The following PSMB7 variants were observed in gnomAD, a reference collection of about 807,000 sequenced individuals.
The protein encoded by PSMB7 is proteasome subunit beta type-7.
Under a neutral mutation model 28.1 loss-of-function variants are expected in PSMB7, and 5 were observed. The observed-to-expected ratio is 0.18, with a 90% CI of 0.09 to 0.37. The LOEUF (loss-of-function observed/expected upper bound fraction) is 0.37, where lower values mean the gene tolerates loss of function less well. PSMB7 is among the 10% of genes least tolerant of loss of function. PSMB7 has a pLI of 1.00. For synonymous variants in PSMB7, 122 were observed against 123.7 expected, an observed-to-expected ratio of 0.99 and a Z score of 0.09; for missense variants, 275 against 346.2, an observed-to-expected ratio of 0.79 and a Z score of 1.63.
Position 124,356,841 on chromosome 9 carries a change from G to T in PSMB7, c.645C>A (p.Asn215Lys). ...TCTTGCTGATGACGCAGAGGTCAAT[G>T]TTGCTTCCGGAGCCCAGGTCGTTGA... ...GIFNDLGSGS[N>K]IDLCVISKNK... Residue 215 changes from asparagine (N) to lysine (K), a missense_variant, in exon 7 of 8, where the codon AAC (asparagine) becomes AAA (lysine). Asn to Lys is a moderately conservative substitution (Grantham distance 94). Transcript: ENST00000259457. The surrounding 1 kb of genome is among the most constrained non-coding windows in gnomAD (Gnocchi z 4.4). The T allele has an allele frequency of 6.2e-7, 1 of 1,614,204 alleles. No homozygotes were observed. Among genetic ancestry groups the T allele is most frequent in the Non-Finnish European group, 8.5e-7 (1 of 1,180,034 alleles).
At chr9:124,398,444 C>A in intron 5 of PSMB7, 1 of 342,596 alleles carries the variant, frequency 2.9e-6, no homozygotes, top group Non-Finnish European at 6.0e-6. Context: ...ATCTTACATT[C>A]TCTGTAAAGA....
chr9:124,380,910 T>C lies in PSMB7; in HGVS notation c.570+3688A>G, dbSNP rs963518096. 2.9e-4 allele frequency among the ~76,000 whole-genome samples: 44 copies of C among 152,386 alleles called. 2 individuals carry two copies. Among genetic ancestry groups the C allele is most frequent in the Non-Finnish European group, 8.8e-5 (6 of 68,032 alleles). On this transcript the variant is annotated intron_variant, in intron 6 of 7. Transcript: ENST00000259457. ...TCAAAACGCAGTGATAGGCTGGCCC[T>C]GCCCAATAGATGTTCTGGTAGTTAT... is the stretch of plus-strand genomic sequence containing the variant.
intron 6 of PSMB7, among the ~76,000 whole-genome samples, chr9:124,364,469 A>C (rs1481496140): frequency 6.6e-6 from 1 of 151,808 alleles, no homozygotes; most frequent in African/African-American, 2.4e-5. Flanking sequence ...TGTTCACAGC[A>C]TATGTGTATA....
intron 5 of PSMB7, among the ~76,000 whole-genome samples, chr9:124,391,992 A>C (rs1223258517): frequency 6.6e-6 from 1 of 152,254 alleles, no homozygotes; most frequent in Non-Finnish European, 1.5e-5. Flanking sequence ...GAAAGGTAGA[A>C]ATTTGCTTTT....
chr9:124,362,372 C>G (rs930030644), intron 6 of PSMB7, among the ~76,000 whole-genome samples: 3 of 152,236 alleles, frequency 2.0e-5, no homozygotes, highest in Non-Finnish European at 4.4e-5. Context: ...TGTCCCTTGC[C>G]TTCTGCGCCA....
chr9:124,374,870 G>A (rs188159249), intron 6 of PSMB7, among the ~76,000 whole-genome samples: 153 of 152,152 alleles, frequency 1.0e-3, no homozygotes, highest in African/African-American at 3.4e-3. Context: ...GGCCAGGCAC[G>A]GTGGCTCATG....
At chr9:124,414,236 A>C (rs568353903) in intron 2 of PSMB7, among the ~76,000 whole-genome samples, 3 of 152,340 alleles carry the variant, frequency 2.0e-5, no homozygotes, top group Admixed American at 1.3e-4. Flanking sequence ...CCCATTTTCA[A>C]GTGAGGCTCA....
chr9:124,369,169 T>C (rs889039202), intron 6 of PSMB7, among the ~76,000 whole-genome samples: 1 of 152,178 alleles, frequency 6.6e-6, no homozygotes, highest in Admixed American at 6.5e-5. Context: ...TTTTTAAAAA[T>C]CTGTACCACT....
At chr9:124,379,748 G>T (rs1830646580) in intron 6 of PSMB7, among the ~76,000 whole-genome samples, 1 of 152,156 alleles carries the variant, frequency 6.6e-6, no homozygotes, top group Admixed American at 6.5e-5. Flanking sequence ...TGTTTGGTTT[G>T]CTGACTCTGT....
At chr9:124,381,778 A>G (rs1830667203) in intron 6 of PSMB7, among the ~76,000 whole-genome samples, 1 of 152,236 alleles carries the variant, frequency 6.6e-6, no homozygotes, top group Non-Finnish European at 1.5e-5. Context: ...TTCATTTAAT[A>G]TTCACCAAAA....
chr9:124,354,063 A>G (rs1830369138), intron 7 of PSMB7, among the ~76,000 whole-genome samples: 3 of 152,142 alleles, frequency 2.0e-5, no homozygotes. Flanking sequence ...CAGGAAGCAA[A>G]TCCCATCATT....
chr9:124,400,192 C>T (rs1830886432), intron 5 of PSMB7, among the ~76,000 whole-genome samples: 1 of 152,168 alleles, frequency 6.6e-6, no homozygotes, highest in Non-Finnish European at 1.5e-5. Context: ...GCACCACAGG[C>T]CTGAGGTCTA....
chr9:124,384,284 G>C, intron 6 of PSMB7: 1 of 314,638 alleles, frequency 3.2e-6, no homozygotes, highest in Non-Finnish European at 5.8e-6. Context: ...GAGATATCGT[G>C]ACACAGAAAG....
intron 4 of PSMB7, among the ~76,000 whole-genome samples, chr9:124,407,873 G>A (rs1830983216): frequency 6.6e-6 from 1 of 152,162 alleles, no homozygotes; most frequent in South Asian, 2.1e-4. Flanking sequence ...TAAGCCGAGT[G>A]TGGTGGCTCA....
chr9:124,401,938 G>T (rs919608156), intron 5 of PSMB7, among the ~76,000 whole-genome samples: 2 of 151,364 alleles, frequency 1.3e-5, no homozygotes, highest in Non-Finnish European at 2.9e-5. Context: ...AGAATCACTT[G>T]AACCCGGGAA....
At chr9:124,379,484 G>A (rs969022396) in intron 6 of PSMB7, among the ~76,000 whole-genome samples, 4 of 152,156 alleles carry the variant, frequency 2.6e-5, no homozygotes, top group South Asian at 2.1e-4. Flanking sequence ...TCAAGGTAGC[G>A]TTTAGGCCAA....
At chr9:124,396,109 G>A (rs1242479127) in intron 5 of PSMB7, among the ~76,000 whole-genome samples, 3 of 152,210 alleles carry the variant, frequency 2.0e-5, no homozygotes, top group Non-Finnish European at 4.4e-5. Context: ...TTTTTATGAA[G>A]TAAACATGCT....
At chr9:124,384,773 T>C in intron 5 of PSMB7, 117 bp from the exon 6 acceptor site, 1 of 844,460 alleles carries the variant, frequency 1.2e-6, no homozygotes, top group Non-Finnish European at 1.9e-6. Flanking sequence ...TCAAGTACAG[T>C]GTAAATATTA....
chr9:124,412,272 T>C, intron 4 of PSMB7, 80 bp downstream of exon 4: 1 of 1,407,452 alleles, frequency 7.1e-7, no homozygotes, highest in Non-Finnish European at 9.8e-7. Flanking sequence ...TTTTTGCTAC[T>C]TTCCAGGCTT....
Sources: gnomAD v4.1 joint callset for allele counts (sites outside exome capture counted in the v4.1 genomes callset) on GRCh38, gnomAD v4.1.1 for gene constraint, Gnocchi (gnomAD v3.1) non-coding constraint, MANE v1.5 for transcripts, NCBI Gene and HGNC (gene_info 2026-07-23, HGNC 2026-07-21) for gene names.